SGCZ: variants seen among roughly 807,000 people sequenced by gnomAD.
SGCZ encodes the protein zeta-sarcoglycan.
In SGCZ, 40 loss-of-function variants were observed where a neutral mutation model predicts 41.3. The ratio of observed to expected loss-of-function variants is 0.97; its 90% CI spans 0.75 to 1.26. The LOEUF (loss-of-function observed/expected upper bound fraction) is 1.26. SGCZ is among the 50% of genes most tolerant of loss of function. The pLI, the probability that SGCZ is intolerant of heterozygous loss-of-function variation, is 0.00. For synonymous variants in SGCZ, 206 were observed against 137.5 expected, an observed-to-expected ratio of 1.50 and a Z score of -3.49; for missense variants, 552 against 369.8, an observed-to-expected ratio of 1.49 and a Z score of -4.04.
chr8:14,410,433 G>A (rs1585471860), intron 2 of SGCZ, among the ~76,000 whole-genome samples: 1 of 150,586 alleles, frequency 6.6e-6, no homozygotes, highest in African/African-American at 2.4e-5. Flanking sequence ...GATTTTCAAT[G>A]ACCCAAATGG....
At chr8:14,464,922 G>A (rs1801006940) in intron 2 of SGCZ, among the ~76,000 whole-genome samples, 1 of 151,354 alleles carries the variant, frequency 6.6e-6, no homozygotes, top group Admixed American at 6.6e-5. Flanking sequence ...CTAATTTAAT[G>A]CCATTGTGGT....
chr8:14,840,734 C>G (rs1802873690), intron 1 of SGCZ, among the ~76,000 whole-genome samples: 1 of 152,026 alleles, frequency 6.6e-6, no homozygotes. Flanking sequence ...ATTTAATCTT[C>G]ACAGAACTTA....
chr8:14,779,915 G>C (rs1367240189), intron 1 of SGCZ, among the ~76,000 whole-genome samples: 1 of 152,244 alleles, frequency 6.6e-6, no homozygotes, highest in Non-Finnish European at 1.5e-5. Flanking sequence ...GTATGATCTA[G>C]AGATTAGAAA....
chr8:14,623,382 C>T (rs1053913078), intron 1 of SGCZ, among the ~76,000 whole-genome samples: 8 of 152,082 alleles, frequency 5.3e-5, no homozygotes, highest in African/African-American at 1.9e-4. Flanking sequence ...TTGCGTGAAG[C>T]AAAAAGCATC....
intron 1 of SGCZ, among the ~76,000 whole-genome samples, chr8:15,007,232 T>A (rs1207364304): frequency 3.3e-5 from 5 of 152,200 alleles, no homozygotes; most frequent in Admixed American, 1.3e-4. Context: ...AATACAAAAG[T>A]ATATTTAGAT....
chr8:14,658,289 T>A (rs983609628), intron 1 of SGCZ, among the ~76,000 whole-genome samples: 13 of 152,200 alleles, frequency 8.5e-5, no homozygotes, highest in African/African-American at 3.1e-4. Flanking sequence ...ACTTCTTACC[T>A]TACTGGGATA....
intron 1 of SGCZ, among the ~76,000 whole-genome samples, chr8:14,892,518 C>G (rs548715987): frequency 2.6e-5 from 4 of 152,072 alleles, no homozygotes; most frequent in Middle Eastern, 3.2e-3. Flanking sequence ...TTGGATAAAG[C>G]CAACATTAAC....
intron 1 of SGCZ, among the ~76,000 whole-genome samples, chr8:14,845,110 C>T (rs539945542): frequency 2.0e-4 from 31 of 152,260 alleles, no homozygotes; most frequent in African/African-American, 7.2e-4. Context: ...AAGAAAACCA[C>T]TGAAGGACAG....
intron 2 of SGCZ, among the ~76,000 whole-genome samples, chr8:14,499,130 G>A (rs1238035417): frequency 4.6e-5 from 7 of 151,752 alleles, no homozygotes; most frequent in African/African-American, 1.7e-4. Flanking sequence ...TATATTGCTT[G>A]ATGTATCAGT....
At chr8:14,505,814 T>C (rs1355618683) in intron 2 of SGCZ, among the ~76,000 whole-genome samples, 2 of 152,208 alleles carry the variant, frequency 1.3e-5, no homozygotes, top group Admixed American at 1.3e-4. Flanking sequence ...CCCCATACTA[T>C]AATGGTGAAC....
intron 3 of SGCZ, among the ~76,000 whole-genome samples, chr8:14,258,506 A>C (rs189699260): frequency 1.3e-5 from 2 of 152,196 alleles, no homozygotes; most frequent in African/African-American, 4.8e-5. Flanking sequence ...AAAGTTCTTC[A>C]TTAGGTTAAT....
intron 1 of SGCZ, among the ~76,000 whole-genome samples, chr8:14,645,494 A>ATATTTATATATATATATATATATT: frequency 6.9e-6 from 1 of 145,606 alleles, no homozygotes; most frequent in African/African-American, 2.5e-5. Flanking sequence ...GTATATATAT[A>ATATTTATATATATATATATATATT]TATATATGGC....
chr8:14,344,479 A>G (rs886441769), intron 2 of SGCZ, among the ~76,000 whole-genome samples: 6 of 152,140 alleles, frequency 3.9e-5, no homozygotes, highest in East Asian at 1.9e-4. Flanking sequence ...CTTCTTAAAA[A>G]ATTATAAGAA....
At chr8:14,350,663 G>T (rs1803058074) in intron 2 of SGCZ, among the ~76,000 whole-genome samples, 1 of 152,058 alleles carries the variant, frequency 6.6e-6, no homozygotes, top group African/African-American at 2.4e-5. Flanking sequence ...CTGTGGAAGA[G>T]CTGAGGTCTT....
chr8:14,362,898 G>C (rs917687588), intron 2 of SGCZ, among the ~76,000 whole-genome samples: 4 of 152,154 alleles, frequency 2.6e-5, no homozygotes, highest in Admixed American at 6.6e-5. Context: ...GTATTATTGA[G>C]AGCATAAATC....
intron 1 of SGCZ, among the ~76,000 whole-genome samples, chr8:14,555,637 T>C (rs753150728): frequency 6.6e-6 from 1 of 152,020 alleles, no homozygotes; most frequent in Non-Finnish European, 1.5e-5. Flanking sequence ...AGAGCAAGAA[T>C]AGATGAATAC....
intron 4 of SGCZ, among the ~76,000 whole-genome samples, chr8:14,221,484 C>T (rs1806192011): frequency 6.6e-6 from 1 of 152,174 alleles, no homozygotes; most frequent in African/African-American, 2.4e-5. Flanking sequence ...CAAAATAATA[C>T]TGAACCAATG....
At chr8:15,133,587 A>C (rs1807995981) in intron 1 of SGCZ, among the ~76,000 whole-genome samples, 1 of 152,216 alleles carries the variant, frequency 6.6e-6, no homozygotes, top group South Asian at 2.1e-4. Context: ...ATTCATTTGC[A>C]GTATCTCACT....
intron 1 of SGCZ, among the ~76,000 whole-genome samples, chr8:14,696,279 T>A (rs1272344470): frequency 6.6e-6 from 1 of 152,126 alleles, no homozygotes; most frequent in African/African-American, 2.4e-5. Flanking sequence ...ATATGAGAAC[T>A]TTAGGGACTA....
Sources: allele counts gnomAD v4.1 joint callset (sites outside exome capture counted in the v4.1 genomes callset), GRCh38; gene constraint gnomAD v4.1.1; transcripts MANE v1.5; gene names NCBI Gene and HGNC (gene_info 2026-07-23, HGNC 2026-07-21).